The following PIGK variants were observed in gnomAD, a reference collection of about 807,000 sequenced individuals.
PIGK encodes the protein GPI-anchor transamidase.
A neutral mutation model predicts 50.6 loss-of-function variants in PIGK; 42 were observed. The observed-to-expected ratio is 0.83, with a 90% CI of 0.65 to 1.07. The LOEUF is 1.07. PIGK is among the 50% of genes least tolerant of loss of function. PIGK has a pLI of 0.00. For synonymous variants in PIGK, 151 were observed against 156.0 expected, an observed-to-expected ratio of 0.97 and a Z score of 0.24; for missense variants, 448 against 488.7, an observed-to-expected ratio of 0.92 and a Z score of 0.78.
chr1:77,124,813 A>G (rs947543525), intron 9 of PIGK, among the ~76,000 whole-genome samples: 6 of 152,200 alleles, frequency 3.9e-5, no homozygotes, highest in Non-Finnish European at 1.5e-5. Flanking sequence ...ATACAACTCA[A>G]GAATAAAAAA....
chr1:77,191,844 G>A (rs745840119), intron 3 of PIGK, among the ~76,000 whole-genome samples: 36 of 152,128 alleles, frequency 2.4e-4, no homozygotes, highest in Admixed American at 2.0e-4. Flanking sequence ...CAGGCAACAT[G>A]GCAAAACCCT....
At chr1:77,117,882 C>T (rs1002862556) in intron 10 of PIGK, among the ~76,000 whole-genome samples, 10 of 152,084 alleles carry the variant, frequency 6.6e-5, no homozygotes, top group African/African-American at 2.4e-4. Context: ...AACATACTTG[C>T]AAATGTTGGT....
intron 9 of PIGK, among the ~76,000 whole-genome samples, chr1:77,133,207 C>T (rs2100536981): frequency 6.6e-6 from 1 of 152,116 alleles, no homozygotes; most frequent in African/African-American, 2.4e-5. Flanking sequence ...TTCTGTGCTT[C>T]AGTTTCAATA....
At chr1:77,209,819 T>C (rs1337631033) in intron 2 of PIGK, among the ~76,000 whole-genome samples, 1 of 152,084 alleles carries the variant, frequency 6.6e-6, no homozygotes, top group Non-Finnish European at 1.5e-5. Flanking sequence ...ATAGCAGGTA[T>C]AATATGATCC....
intron 10 of PIGK, among the ~76,000 whole-genome samples, chr1:77,093,309 T>C (rs1653339009): frequency 6.6e-6 from 1 of 152,100 alleles, no homozygotes; most frequent in Non-Finnish European, 1.5e-5. Flanking sequence ...TGCTTTTTTG[T>C]CCAGCAAGAC....
chr1:77,106,528 C>T (rs564612974), intron 10 of PIGK, among the ~76,000 whole-genome samples: 1 of 152,018 alleles, frequency 6.6e-6, no homozygotes, highest in Non-Finnish European at 1.5e-5. Flanking sequence ...GGTAATCATA[C>T]AAATGTTTAA....
chr1:77,130,430 C>A (rs1654348032), intron 9 of PIGK, among the ~76,000 whole-genome samples: 1 of 147,484 alleles, frequency 6.8e-6, no homozygotes, highest in Admixed American at 6.8e-5. Flanking sequence ...AATTTTGTTT[C>A]TCCATGGCAA....
chr1:77,180,798 G>C (rs933911423), intron 3 of PIGK, among the ~76,000 whole-genome samples: 4 of 152,118 alleles, frequency 2.6e-5, no homozygotes, highest in African/African-American at 9.7e-5. Context: ...TTCCAAAGGA[G>C]GCAATCAGAT....
At chr1:77,164,448 C>T (rs978743112) in intron 5 of PIGK, among the ~76,000 whole-genome samples, 7 of 151,966 alleles carry the variant, frequency 4.6e-5, no homozygotes, top group African/African-American at 1.7e-4. Context: ...TTTCCTCAGC[C>T]ATAAAGTGAG....
At chr1:77,112,671 G>A (rs1653881384) in intron 10 of PIGK, among the ~76,000 whole-genome samples, 1 of 152,092 alleles carries the variant, frequency 6.6e-6, no homozygotes, top group Admixed American at 6.6e-5. Flanking sequence ...CATTGGGCAT[G>A]AGTAATTTCA....
chr1:77,109,558 C>A (rs1360946102), intron 10 of PIGK, among the ~76,000 whole-genome samples: 7 of 152,042 alleles, frequency 4.6e-5, no homozygotes, highest in Non-Finnish European at 4.4e-5. Context: ...AAAATTCAAC[C>A]ACACTTCATG....
intron 9 of PIGK, among the ~76,000 whole-genome samples, chr1:77,126,274 T>A (rs974718717): frequency 6.6e-6 from 1 of 152,236 alleles, no homozygotes; most frequent in Non-Finnish European, 1.5e-5. Context: ...TTTTGTTTTA[T>A]ACTTACTGTG....
intron 9 of PIGK, among the ~76,000 whole-genome samples, chr1:77,149,130 T>C (rs915272671): frequency 5.9e-5 from 9 of 152,056 alleles, no homozygotes; most frequent in African/African-American, 1.7e-4. Flanking sequence ...AATTAAAACA[T>C]ACTACCAGGG....
At chr1:77,186,655 T>C (rs1281863644) in intron 3 of PIGK, among the ~76,000 whole-genome samples, 1 of 152,164 alleles carries the variant, frequency 6.6e-6, no homozygotes, top group African/African-American at 2.4e-5. Flanking sequence ...TCTGTGGACA[T>C]CACTCAGCCT....
chr1:77,200,500 A>G (rs886515618), intron 3 of PIGK, among the ~76,000 whole-genome samples: 26 of 152,138 alleles, frequency 1.7e-4, no homozygotes, highest in African/African-American at 5.3e-4. Context: ...AATTATACTA[A>G]TATCTATAGA....
chr1:77,186,989 C>G (rs1163893496), intron 3 of PIGK, among the ~76,000 whole-genome samples: 1 of 152,208 alleles, frequency 6.6e-6, no homozygotes, highest in African/African-American at 2.4e-5. Flanking sequence ...ATCCTGCACA[C>G]AGTGCTTCTG....
intron 10 of PIGK, among the ~76,000 whole-genome samples, chr1:77,097,389 TC>T (rs1278842626): frequency 6.6e-6 from 1 of 152,174 alleles, no homozygotes; most frequent in Non-Finnish European, 1.5e-5. Flanking sequence ...GAAGTTTGGT[TC>T]CTCTTCCCTT....
At chr1:77,156,320 C>T (rs1219277336) in intron 8 of PIGK, among the ~76,000 whole-genome samples, 1 of 152,032 alleles carries the variant, frequency 6.6e-6, no homozygotes, top group Non-Finnish European at 1.5e-5. Flanking sequence ...TTCTTTGCTG[C>T]CAAAATAAAC....
chr1:77,148,721 GT>G (rs35128622), intron 9 of PIGK, among the ~76,000 whole-genome samples: 145 of 144,830 alleles, frequency 1.0e-3, no homozygotes, highest in Non-Finnish European at 1.2e-3. Context: ...TTGTTTTTTG[GT>G]TTTTTTTTTT....
Sources: gnomAD v4.1 joint callset for allele counts (sites outside exome capture counted in the v4.1 genomes callset) on GRCh38, gnomAD v4.1.1 for gene constraint, MANE v1.5 for transcripts, NCBI Gene and HGNC (gene_info 2026-07-23, HGNC 2026-07-21) for gene names.